The following SYNPO2 variants were observed in gnomAD, a reference collection of about 807,000 sequenced individuals.
SYNPO2 encodes the protein synaptopodin-2.
In SYNPO2, 56 loss-of-function variants were observed where a neutral mutation model predicts 85.0. That is an observed-to-expected ratio of 0.66 (90% CI 0.53 to 0.82). The LOEUF is 0.82. SYNPO2 is among the 40% of genes least tolerant of loss of function. The probability of loss-of-function intolerance (pLI) is 0.00; values close to 1 mark genes in which losing one functional copy is unlikely to be tolerated. For missense variants in SYNPO2, 1,575 were observed against 1,534.2 expected (o/e 1.03, Z -0.44); for synonymous variants, 602 against 591.1 (o/e 1.02, Z -0.27).
chr4:118,944,258 C>T (rs1297567322), intron 1 of SYNPO2, among the ~76,000 whole-genome samples: 1 of 152,122 alleles, frequency 6.6e-6, no homozygotes, highest in Admixed American at 6.6e-5. Flanking sequence ...TACCAGTCTA[C>T]TCGCAGTAGA....
intron 2 of SYNPO2, among the ~76,000 whole-genome samples, chr4:119,025,175 G>A (rs1187512831): frequency 6.6e-6 from 1 of 152,116 alleles, no homozygotes; most frequent in Admixed American, 6.5e-5. Context: ...TGGTCTACAA[G>A]GCTGGCATGA....
chr4:118,856,106 C>A (rs1342102787), intron 1 of SYNPO2, among the ~76,000 whole-genome samples: 4 of 152,164 alleles, frequency 2.6e-5, no homozygotes, highest in Admixed American at 2.6e-4. Flanking sequence ...TGCATTTATA[C>A]CTGGCCCCAC....
chr4:119,022,724 A>AATTGTATTTT (rs368633918), intron 1 of SYNPO2, among the ~76,000 whole-genome samples: 3 of 142,298 alleles, frequency 2.1e-5, no homozygotes, highest in Non-Finnish European at 4.6e-5. Context: ...ATTTTATTTT[A>AATTGTATTTT]ATTTTATTTT....
In SYNPO2 at chr4:118,980,489, G is replaced by T. The variant is rs140112477; in HGVS notation, c.106-42941G>T. ...GAGCTGTGGGGTCACCATGAGCCTT[G>T]TTACTTCTTTCTTTTCCCCCCTTCC... On this transcript the variant is annotated intron_variant, in intron 1 of 4. Coordinates refer to ENST00000307142, the MANE Select transcript of SYNPO2 (RefSeq NM_133477.3). Among the ~76,000 whole-genome samples, 360 of 151,354 alleles carry T rather than the reference G, an allele frequency of 2.4e-3. 6 individuals carry two copies. The highest frequency in any genetic ancestry group is 0.014 in the East Asian group (71 of 5,102).
At chr4:119,045,074 C>T (rs1738834450) in intron 4 of SYNPO2, among the ~76,000 whole-genome samples, 1 of 152,114 alleles carries the variant, frequency 6.6e-6, no homozygotes, top group Admixed American at 6.5e-5. Context: ...CTTAAGAATC[C>T]TTGTTGTTAA....
At chr4:118,946,919 G>T (rs1734524227) in intron 1 of SYNPO2, among the ~76,000 whole-genome samples, 1 of 152,066 alleles carries the variant, frequency 6.6e-6, no homozygotes, top group Admixed American at 6.6e-5. Context: ...TTGGACTTTT[G>T]GGTCAAGCCC....
intron 1 of SYNPO2, among the ~76,000 whole-genome samples, chr4:118,977,216 G>T (rs540090685): frequency 2.1e-3 from 322 of 152,222 alleles, no homozygotes; most frequent in Admixed American, 4.3e-3. Context: ...GCTAAGGCCC[G>T]GGGAGAAATC....
At position 119,031,244 on chromosome 4, in the gene SYNPO2, C is replaced by A. The variant is rs1158917860; in HGVS notation, c.2469C>A (p.Asn823Lys). 2 of 1,614,016 alleles carry A rather than the reference C, an allele frequency of 1.2e-6. No homozygotes were observed. Among genetic ancestry groups the A allele is most frequent in the Middle Eastern group, 1.6e-4 (1 of 6,084 alleles). ...YPPARPASTL[N>K]VAGPFKGPQA... ...CTGCCCGGCCTGCAAGTACTTTGAA[C>A]GTGGCTGGTCCCTTCAAAGGACCAC... The change falls in exon 4 of 5, where the codon AAC becomes AAA. Residue 823 changes from asparagine to lysine, a missense_variant. Asn to Lys is a moderately conservative substitution (Grantham distance 94). Transcript: ENST00000307142.
chr4:118,944,012 T>TATTACTGTGCTTTTTAC (rs1734414344), intron 1 of SYNPO2, among the ~76,000 whole-genome samples: 1 of 152,208 alleles, frequency 6.6e-6, no homozygotes, highest in Non-Finnish European at 1.5e-5. Flanking sequence ...TTATTAAAGA[T>TATTACTGTGCTTTTTAC]ATTACTGTGC....
At chr4:119,010,691 G>A (rs1737263434) in intron 1 of SYNPO2, among the ~76,000 whole-genome samples, 1 of 152,152 alleles carries the variant, frequency 6.6e-6, no homozygotes, top group Non-Finnish European at 1.5e-5. Context: ...ATGTTGGGTT[G>A]TAATTATCTA....
At chr4:118,955,644 T>G (rs1381216528) in intron 1 of SYNPO2, among the ~76,000 whole-genome samples, 1 of 152,020 alleles carries the variant, frequency 6.6e-6, no homozygotes, top group African/African-American at 2.4e-5. Flanking sequence ...TTATAGGAGA[T>G]AGTGGGAAGG....
chr4:119,008,719 A>T (rs1047297328), intron 1 of SYNPO2, among the ~76,000 whole-genome samples: 1 of 152,160 alleles, frequency 6.6e-6, no homozygotes. Flanking sequence ...TTAAAAGCAT[A>T]ATTTATATAT....
intron 1 of SYNPO2, among the ~76,000 whole-genome samples, chr4:118,935,532 TAGA>T (rs1355727954): frequency 6.6e-6 from 1 of 152,268 alleles, no homozygotes; most frequent in Non-Finnish European, 1.5e-5. Context: ...ATGGTGGTCA[TAGA>T]AGATTATAAT....
chr4:119,011,985 C>T (rs866966921), intron 1 of SYNPO2, among the ~76,000 whole-genome samples: 2 of 141,558 alleles, frequency 1.4e-5, no homozygotes, highest in African/African-American at 5.2e-5. Flanking sequence ...TGCAGTGGAG[C>T]CATCTTGGCT....
chr4:119,028,797 C>A (rs753675379), intron 3 of SYNPO2, among the ~76,000 whole-genome samples: 15 of 151,702 alleles, frequency 9.9e-5, no homozygotes, highest in Admixed American at 2.0e-4. Flanking sequence ...TTCCACTTAA[C>A]TGTTTTGAGG....
chr4:119,046,390 G>C (rs1292293137), intron 4 of SYNPO2, among the ~76,000 whole-genome samples: 1 of 152,220 alleles, frequency 6.6e-6, no homozygotes, highest in Non-Finnish European at 1.5e-5. Context: ...CAGTGGCAAT[G>C]TTTCTGGCCA....
chr4:118,881,317 G>A (rs200065819), intron 1 of SYNPO2, among the ~76,000 whole-genome samples: 1 of 113,284 alleles, frequency 8.8e-6, no homozygotes, highest in African/African-American at 3.0e-5. Flanking sequence ...AAAAAAAAAA[G>A]AAGAAGAAGA....
At chr4:118,907,941 G>A (rs1732990526) in intron 1 of SYNPO2, among the ~76,000 whole-genome samples, 1 of 151,988 alleles carries the variant, frequency 6.6e-6, no homozygotes, top group Admixed American at 6.6e-5. Flanking sequence ...GTCTTTCCAT[G>A]TCCATGAATA....
intron 2 of SYNPO2, among the ~76,000 whole-genome samples, chr4:119,025,887 G>A (rs1737915237): frequency 6.6e-6 from 1 of 152,100 alleles, no homozygotes; most frequent in Non-Finnish European, 1.5e-5. Flanking sequence ...AAATCAAAGA[G>A]CTGTGGTGTA....
Sources: gnomAD v4.1 joint callset for allele counts (sites outside exome capture counted in the v4.1 genomes callset) on GRCh38, gnomAD v4.1.1 for gene constraint, MANE v1.5 for transcripts, NCBI Gene and HGNC (gene_info 2026-07-23, HGNC 2026-07-21) for gene names.